HS3ST4: variants seen among roughly 807,000 people sequenced by gnomAD.
HS3ST4 encodes heparan sulfate glucosamine 3-O-sulfotransferase 4.
A neutral mutation model predicts 29.2 loss-of-function variants in HS3ST4; 17 were observed. The observed-to-expected ratio is 0.58, with a 90% confidence interval of 0.40 to 0.87. The LOEUF is 0.87. HS3ST4 is among the 40% of genes least tolerant of loss of function. The pLI is 0.00. For missense variants in HS3ST4, 627 were observed against 634.5 expected, an observed-to-expected ratio of 0.99 and a Z score of 0.13; for synonymous variants, 314 against 285.7, an observed-to-expected ratio of 1.10 and a Z score of -1.00.
rs149107052 is a variant in HS3ST4 at position 25,697,907 on chromosome 16, G to A, written c.734+4756G>A. 4.1e-3 allele frequency among the ~76,000 whole-genome samples: 620 copies of A among 152,172 alleles called. 1 individual carries two copies. The highest frequency in any genetic ancestry group is 0.01 in the Middle Eastern group (3 of 294). On this transcript the variant is annotated intron_variant, in intron 1 of 1. Coordinates refer to ENST00000331351, the MANE Select transcript of HS3ST4 (RefSeq NM_006040.3). Reference sequence around the variant, plus strand: ...AGGATGGTCTCGATCGCTTGACTTTGTGATCTGCCTGCCTCGGCCTCCCAA... The same window carrying A: ...AGGATGGTCTCGATCGCTTGACTTTATGATCTGCCTGCCTCGGCCTCCCAA...
Position 25,771,809 on chromosome 16 carries a change from G to C in HS3ST4, c.734+78658G>C, listed in dbSNP as rs74902699. Among the ~76,000 whole-genome samples the C allele has an allele frequency of 3.0e-3, 452 of 152,318 alleles. 5 individuals carry two copies. Among genetic ancestry groups the C allele is most frequent in the African/African-American group, 0.01 (425 of 41,566 alleles). ...TAATAAATATTTGTTGAGTGAATGA[G>C]TCTGTGTTCCTAGTGCCTTGGCTGG... On this transcript the variant is annotated intron_variant, in intron 1 of 1. Coordinates refer to ENST00000331351, the MANE Select transcript of HS3ST4 (RefSeq NM_006040.3).
chr16:25,888,618 G>A (rs1014112567), intron 1 of HS3ST4, among the ~76,000 whole-genome samples: 1 of 152,196 alleles, frequency 6.6e-6, no homozygotes, highest in African/African-American at 2.4e-5. Context: ...GGCCAGCTGA[G>A]CTCACATGCC....
At chr16:25,765,791 A>G (rs1162589357) in intron 1 of HS3ST4, among the ~76,000 whole-genome samples, 1 of 152,140 alleles carries the variant, frequency 6.6e-6, no homozygotes, top group Non-Finnish European at 1.5e-5. Flanking sequence ...TCTTTGAGTC[A>G]GGTGCCCCAT....
At chr16:25,760,101 GCCCTAACCCTAA>G (rs996874734) in intron 1 of HS3ST4, among the ~76,000 whole-genome samples, 10 of 152,072 alleles carry the variant, frequency 6.6e-5, no homozygotes, top group South Asian at 4.2e-4. Context: ...GGCTGCCATA[GCCCTAACCCTAA>G]CCCTAACCCT....
intron 1 of HS3ST4, among the ~76,000 whole-genome samples, chr16:25,883,346 A>G (rs1233438100): frequency 2.0e-5 from 3 of 151,122 alleles, no homozygotes. Flanking sequence ...TCAAAGGCCA[A>G]GTACTGACTC....
intron 1 of HS3ST4, among the ~76,000 whole-genome samples, chr16:26,008,143 A>G (rs190117763): frequency 1.5e-4 from 23 of 152,336 alleles, no homozygotes; most frequent in Non-Finnish European, 3.4e-4. Context: ...GTACACAGGA[A>G]TCTTCAAAAG....
At chr16:25,989,498 C>T (rs555725609) in intron 1 of HS3ST4, among the ~76,000 whole-genome samples, 78 of 152,304 alleles carry the variant, frequency 5.1e-4, no homozygotes, top group African/African-American at 1.9e-3. Context: ...TTTGGTCCAT[C>T]CTGCTGGAAA....
In HS3ST4 at chr16:25,838,191, A is replaced by C. The variant is rs560890432; in HGVS notation, c.734+145040A>C. Among the ~76,000 whole-genome samples the C allele has an allele frequency of 7.9e-5, 12 of 152,346 alleles. No individual in the cohort carries two copies. The South Asian group carries it at 2.5e-3, about 32-fold the overall frequency. ...CTGGAATCGTGTATCCTACTTATTC[A>C]GTCGATATTAACGACTACCGCTGCT... On this transcript the variant is annotated intron_variant, in intron 1 of 1. Transcript: ENST00000331351.
intron 1 of HS3ST4, among the ~76,000 whole-genome samples, chr16:25,701,882 A>C (rs1335989951): frequency 6.6e-6 from 1 of 152,222 alleles, no homozygotes; most frequent in African/African-American, 2.4e-5. Flanking sequence ...GAATGTAATA[A>C]TGTGATTTAT....
Position 26,054,269 on chromosome 16 carries a change from G to GGAGAAAGAGAGAGAGA in HS3ST4, c.735-81339_735-81338insAAGAGAGAGAGAGAGA, listed in dbSNP as rs1555481159. On this transcript the variant is annotated intron_variant, in intron 1 of 1. Coordinates refer to ENST00000331351, the MANE Select transcript of HS3ST4 (RefSeq NM_006040.3). ...GAAGGAGAGAGAGAGACAGAGAGAGGGAGAGAGAGAGAGAGAGAGAGAGAG... is the reference window on the plus strand; with the variant it reads ...GAAGGAGAGAGAGAGACAGAGAGAGGGAGAAAGAGAGAGAGAGAGAGAGAGAGAGAGAGAGAGAGAG... 3.4e-3 allele frequency among the ~76,000 whole-genome samples: 459 copies of GGAGAAAGAGAGAGAGA among 133,728 alleles called. 4 individuals carry two copies. The highest frequency in any genetic ancestry group is 0.011 in the African/African-American group (395 of 35,052). 87.7% of individuals were successfully genotyped at this position (133,728 alleles called of 152,430 possible).
At chr16:25,903,170 G>T (rs1968135770) in intron 1 of HS3ST4, among the ~76,000 whole-genome samples, 1 of 151,754 alleles carries the variant, frequency 6.6e-6, no homozygotes, top group Admixed American at 6.6e-5. Context: ...TGTGACATTA[G>T]ACCTCAGGGA....
rs1196575903 is a variant in HS3ST4, at chr16:25,976,860, A to G, written c.735-158752A>G. On this transcript the variant is annotated intron_variant, in intron 1 of 1. Transcript: ENST00000331351. ...CAGTGCAAGAGGAGTGGTAGACGGC[A>G]TGTAAATGAGGGGGTGTAGCTGTGT... Among the ~76,000 whole-genome samples, 3 of 152,228 alleles carry G rather than the reference A, an allele frequency of 2.0e-5. No homozygotes were observed. The East Asian group carries it at 5.8e-4, about 29-fold the overall frequency.
chr16:25,789,523 CCCT>C (rs1267451888), intron 1 of HS3ST4, among the ~76,000 whole-genome samples: 2 of 149,968 alleles, frequency 1.3e-5, no homozygotes, highest in South Asian at 4.3e-4. Context: ...TCTTTCCTCC[CCCT>C]CCTCCTCTTT....
chr16:25,884,357 G>T (rs1180975194), intron 1 of HS3ST4, among the ~76,000 whole-genome samples: 1 of 152,164 alleles, frequency 6.6e-6, no homozygotes, highest in Non-Finnish European at 1.5e-5. Context: ...AAATATTACA[G>T]AATTCATCAC....
rs142093439 is a variant in HS3ST4 at position 25,732,513 on chromosome 16, A to C, written c.734+39362A>C. 1.8e-3 allele frequency among the ~76,000 whole-genome samples: 273 copies of C among 152,260 alleles called. 1 individual carries two copies. The highest frequency in any genetic ancestry group is 6.0e-3 in the African/African-American group (248 of 41,550). ...TAGAGCAACAAGCTTTTTCTTTTCC[A>C]GCTTTTCACAGTGACACCCCGTCAC... is the stretch of plus-strand genomic sequence containing the variant. On this transcript the variant is annotated intron_variant, in intron 1 of 1. Transcript: ENST00000331351.
chr16:25,804,032 A>C (rs1198357257), intron 1 of HS3ST4, among the ~76,000 whole-genome samples: 1 of 151,858 alleles, frequency 6.6e-6, no homozygotes, highest in Non-Finnish European at 1.5e-5. Context: ...CTGTCCCCTG[A>C]GGTTATCACA....
intron 1 of HS3ST4, among the ~76,000 whole-genome samples, chr16:26,118,754 C>A (rs1036768972): frequency 6.6e-6 from 1 of 151,956 alleles, no homozygotes; most frequent in African/African-American, 2.4e-5. Context: ...AATGCCAGGT[C>A]CCTGCAGGGA....
intron 1 of HS3ST4, among the ~76,000 whole-genome samples, chr16:25,806,227 G>A (rs1177599535): frequency 6.6e-6 from 1 of 152,176 alleles, no homozygotes; most frequent in East Asian, 1.9e-4. Context: ...GTATTGGTAA[G>A]TAGATGGCAC....
intron 1 of HS3ST4, among the ~76,000 whole-genome samples, chr16:26,026,549 A>ATTAG (rs745683356): frequency 6.6e-6 from 1 of 152,182 alleles, no homozygotes; most frequent in Non-Finnish European, 1.5e-5. Flanking sequence ...ATACAGCAAT[A>ATTAG]TTAGGCATCA....
Sources: allele counts gnomAD v4.1 joint callset (sites outside exome capture counted in the v4.1 genomes callset), GRCh38; gene constraint gnomAD v4.1.1; transcripts MANE v1.5; gene names NCBI Gene and HGNC (gene_info 2026-07-23, HGNC 2026-07-21).